The following NELL1 variants were observed in gnomAD, a reference collection of about 807,000 sequenced individuals.
NELL1 encodes protein kinase C-binding protein NELL1.
A neutral mutation model predicts 107.4 loss-of-function variants in NELL1; 76 were observed. The ratio of observed to expected loss-of-function variants is 0.71; its 90% confidence interval spans 0.59 to 0.86. The LOEUF (loss-of-function observed/expected upper bound fraction) is 0.86, where lower values mean the gene tolerates loss of function less well. NELL1 is among the 40% of genes least tolerant of loss of function. NELL1 has a pLI of 0.00. For missense variants in NELL1, 1,024 were observed against 1,005.5 expected, an observed-to-expected ratio of 1.02 and a Z score of -0.25; for synonymous variants, 353 against 341.2, an observed-to-expected ratio of 1.03 and a Z score of -0.38.
At chr11:20,974,183 T>C (rs944745946) in intron 12 of NELL1, among the ~76,000 whole-genome samples, 1 of 152,204 alleles carries the variant, frequency 6.6e-6, no homozygotes, top group African/African-American at 2.4e-5. Flanking sequence ...TCAGTAAGTA[T>C]TCGTTGAATA....
chr11:21,513,878 G>C (rs2133947381), intron 15 of NELL1, among the ~76,000 whole-genome samples: 1 of 152,294 alleles, frequency 6.6e-6, no homozygotes, highest in African/African-American at 2.4e-5. Context: ...ACGTGTCTTA[G>C]AGCCTGAGCC....
intron 13 of NELL1, among the ~76,000 whole-genome samples, chr11:21,195,406 C>A (rs573824350): frequency 4.7e-4 from 71 of 152,084 alleles, no homozygotes; most frequent in Non-Finnish European, 7.5e-4. Context: ...TCAAGATAAA[C>A]CCCATTTTCC....
At chr11:20,723,958 C>T (rs1855452268) in intron 2 of NELL1, among the ~76,000 whole-genome samples, 1 of 152,218 alleles carries the variant, frequency 6.6e-6, no homozygotes, top group African/African-American at 2.4e-5. Context: ...CCTCTGAGGC[C>T]ACAGCTCAAG....
intron 12 of NELL1, among the ~76,000 whole-genome samples, chr11:21,108,338 T>A (rs926492542): frequency 2.0e-5 from 3 of 152,164 alleles, no homozygotes; most frequent in Non-Finnish European, 4.4e-5. Flanking sequence ...AGATGGAACC[T>A]GGTGATACAT....
chr11:20,685,743 A>G lies in NELL1; in HGVS notation c.184+7683A>G, dbSNP rs529037910. ...CTTTGGCTTTTTTTCCCTCATGTGT[A>G]TCATCTGCCTTATGCATTATTGATG... On this transcript the variant is annotated intron_variant, in intron 2 of 19. Transcript: ENST00000357134. Among the ~76,000 whole-genome samples, 28 of 152,186 alleles carry G rather than the reference A, an allele frequency of 1.8e-4. No homozygotes were observed. The South Asian group carries it at 5.0e-3, about 27-fold the overall frequency.
chr11:21,272,389 T>C (rs1410593490), intron 14 of NELL1, among the ~76,000 whole-genome samples: 1 of 152,054 alleles, frequency 6.6e-6, no homozygotes, highest in Admixed American at 6.5e-5. Flanking sequence ...CTTGAGTAGA[T>C]AAACAAAGCA....
At chr11:20,690,040 T>C (rs542516805) in intron 2 of NELL1, among the ~76,000 whole-genome samples, 2 of 152,330 alleles carry the variant, frequency 1.3e-5, no homozygotes, top group African/African-American at 4.8e-5. Flanking sequence ...TGGCCAGTGA[T>C]GATGAGCATT....
intron 5 of NELL1, among the ~76,000 whole-genome samples, chr11:20,900,344 GT>G (rs1223286369): frequency 6.6e-6 from 1 of 152,198 alleles, no homozygotes; most frequent in African/African-American, 2.4e-5. Context: ...GCCAAAGCAA[GT>G]TACAAGCCCA....
At chr11:20,796,760 T>G (rs1003551334) in intron 3 of NELL1, among the ~76,000 whole-genome samples, 3 of 151,772 alleles carry the variant, frequency 2.0e-5, no homozygotes, top group South Asian at 2.1e-4. Flanking sequence ...CATACAAGAG[T>G]GGAGACAGTC....
chr11:20,846,880 A>T (rs772702497), intron 3 of NELL1, among the ~76,000 whole-genome samples: 2 of 152,168 alleles, frequency 1.3e-5, no homozygotes, highest in Admixed American at 6.5e-5. Flanking sequence ...GAGTGTCCCA[A>T]AGTTGCTTGT....
chr11:21,264,251 C>T (rs1277994942), intron 14 of NELL1, among the ~76,000 whole-genome samples: 1 of 151,848 alleles, frequency 6.6e-6, no homozygotes, highest in Non-Finnish European at 1.5e-5. Context: ...GAGATTGAAT[C>T]TTCTGCTGAC....
chr11:20,806,258 G>GTGTT (rs1857382005), intron 3 of NELL1, among the ~76,000 whole-genome samples: 1 of 104,688 alleles, frequency 9.6e-6, no homozygotes, highest in African/African-American at 4.6e-5. Context: ...GCATTTGTGT[G>GTGTT]TGTGTGTGTG....
At chr11:20,817,416 C>T (rs891654300) in intron 3 of NELL1, among the ~76,000 whole-genome samples, 3 of 151,910 alleles carry the variant, frequency 2.0e-5, no homozygotes, top group South Asian at 4.1e-4. Context: ...TTTTCGAGTT[C>T]GTGTGCATAA....
chr11:21,422,582 T>G (rs1852708688), intron 15 of NELL1, among the ~76,000 whole-genome samples: 1 of 152,164 alleles, frequency 6.6e-6, no homozygotes, highest in African/African-American at 2.4e-5. Context: ...AAAAAAGTTT[T>G]TTTATGTTAT....
chr11:20,719,850 C>T (rs1206017097), intron 2 of NELL1, among the ~76,000 whole-genome samples: 1 of 152,108 alleles, frequency 6.6e-6, no homozygotes, highest in Non-Finnish European at 1.5e-5. Context: ...ACCATACTCA[C>T]AATTAATTTT....
intron 15 of NELL1, among the ~76,000 whole-genome samples, chr11:21,485,071 C>G (rs1296689721): frequency 6.6e-6 from 1 of 152,072 alleles, no homozygotes; most frequent in Non-Finnish European, 1.5e-5. Context: ...CATATACTTG[C>G]CATGTATAAT....
At chr11:20,681,692 A>G (rs76501289) in intron 2 of NELL1, among the ~76,000 whole-genome samples, 5,400 of 152,180 alleles carry the variant, frequency 0.035, 335 homozygotes, top group African/African-American at 0.12. Context: ...TAAATTTATT[A>G]TCTTATACTT....
intron 12 of NELL1, among the ~76,000 whole-genome samples, chr11:21,071,663 C>A (rs1379488677): frequency 6.6e-6 from 1 of 152,182 alleles, no homozygotes; most frequent in Admixed American, 6.5e-5. Context: ...GACTTCCAGT[C>A]TCCCTCTCTT....
chr11:21,291,341 A>C (rs1186645583), intron 14 of NELL1, among the ~76,000 whole-genome samples: 1 of 152,158 alleles, frequency 6.6e-6, no homozygotes, highest in Admixed American at 6.5e-5. Flanking sequence ...CAGCTAAAGC[A>C]GTGTTTAGAG....
Sources: gnomAD v4.1 joint callset for allele counts (sites outside exome capture counted in the v4.1 genomes callset) on GRCh38, gnomAD v4.1.1 for gene constraint, MANE v1.5 for transcripts, NCBI Gene and HGNC (gene_info 2026-07-23, HGNC 2026-07-21) for gene names.